CLSTN2: variants seen among roughly 807,000 people sequenced by gnomAD.
The protein encoded by CLSTN2 is calsyntenin-2.
CLSTN2 carries 48 observed loss-of-function variants against 101.2 expected under a neutral mutation model. The observed-to-expected ratio is 0.47, with a 90% CI of 0.38 to 0.60. The LOEUF is 0.60. Among genes scored for constraint, CLSTN2 ranks in the 20% least tolerant of loss-of-function variants. CLSTN2 has a pLI of 0.00. For synonymous variants in CLSTN2, 481 were observed against 463.6 expected (o/e 1.04, Z -0.48); for missense variants, 1,160 against 1,238.2 (o/e 0.94, Z 0.95).
Position 140,136,625 on chromosome 3 carries a change from T to G in CLSTN2, c.110-39326T>G, listed in dbSNP as rs532092734. On this transcript the variant is annotated intron_variant, in intron 1 of 16. Transcript: ENST00000458420. ...TGAGCTGGAATCTTGATGCTGTTTT[T>G]ATTAACCATCCATGTGACTTCAGAA... Among the ~76,000 whole-genome samples the G allele has an allele frequency of 3.9e-5, 6 of 152,324 alleles. No homozygotes were observed. The East Asian group carries it at 5.8e-4, about 15-fold the overall frequency.
At chr3:140,548,260 C>T (rs947011440) in intron 10 of CLSTN2, among the ~76,000 whole-genome samples, 1 of 152,224 alleles carries the variant, frequency 6.6e-6, no homozygotes, top group Non-Finnish European at 1.5e-5. Flanking sequence ...CCCAAGCAGA[C>T]ATTTGTAATC....
intron 1 of CLSTN2, among the ~76,000 whole-genome samples, chr3:140,143,676 C>G (rs2009736330): frequency 6.6e-6 from 1 of 152,172 alleles, no homozygotes; most frequent in African/African-American, 2.4e-5. Flanking sequence ...TGTGCCCAGT[C>G]CCACCTACAT....
At chr3:140,339,572 C>T (rs1576522579) in intron 2 of CLSTN2, among the ~76,000 whole-genome samples, 1 of 152,240 alleles carries the variant, frequency 6.6e-6, no homozygotes, top group African/African-American at 2.4e-5. Context: ...AAATGAGATC[C>T]CTGGGGCTGA....
chr3:140,206,848 C>T (rs951909285), intron 2 of CLSTN2, among the ~76,000 whole-genome samples: 5 of 152,144 alleles, frequency 3.3e-5, no homozygotes, highest in African/African-American at 1.2e-4. Context: ...ACAGAAAATG[C>T]CCAGTAGCCA....
At chr3:140,214,003 T>C (rs2010890175) in intron 2 of CLSTN2, among the ~76,000 whole-genome samples, 1 of 152,134 alleles carries the variant, frequency 6.6e-6, no homozygotes. Flanking sequence ...CAATATTCAG[T>C]GATCAGAAAA....
intron 2 of CLSTN2, among the ~76,000 whole-genome samples, chr3:140,365,185 C>T (rs1170460050): frequency 2.0e-5 from 3 of 152,038 alleles, no homozygotes; most frequent in Non-Finnish European, 4.4e-5. Context: ...AAATTGCTGC[C>T]GGACTAATAT....
In CLSTN2 at chr3:140,403,583, T is replaced by C. The variant is rs753006773; in HGVS notation, c.233-46T>C. On this transcript the variant is annotated intron_variant, in intron 2 of 16. Coordinates refer to ENST00000458420, the MANE Select transcript of CLSTN2 (RefSeq NM_022131.3). The stretch of plus-strand genomic sequence containing the variant: ...TCCAATGGAAGCACTGTCTTCAGTC[T>C]GGCAATTCTCAGGATTCCCACTCAC... The C allele has an allele frequency of 8.1e-6, 12 of 1,489,834 alleles. No individual in the cohort carries two copies. In the South Asian group the frequency reaches 1.5e-4, roughly 19 times the overall value. The allele number at this position is 1,489,834 out of a possible 1,614,324, so 92.3% of individuals were successfully genotyped here. A position where few individuals can be genotyped will look rare whatever the true frequency, so the allele number is the denominator to read the frequency against.
At chr3:140,096,383 T>A (rs1022322123) in intron 1 of CLSTN2, among the ~76,000 whole-genome samples, 1 of 152,352 alleles carries the variant, frequency 6.6e-6, no homozygotes, top group Non-Finnish European at 1.5e-5. Context: ...TATAATATGT[T>A]ACATCTCTCA....
intron 1 of CLSTN2, among the ~76,000 whole-genome samples, chr3:140,157,809 A>G (rs1175089750): frequency 6.6e-6 from 1 of 152,238 alleles, no homozygotes; most frequent in Non-Finnish European, 1.5e-5. Flanking sequence ...AAAAGCTAAT[A>G]CACCATGATC....
At chr3:140,280,116 T>C (rs1014280551) in intron 2 of CLSTN2, among the ~76,000 whole-genome samples, 2 of 152,302 alleles carry the variant, frequency 1.3e-5, no homozygotes, top group Non-Finnish European at 2.9e-5. Context: ...AACTGAAATA[T>C]TCATGCTCCC....
At chr3:140,519,424 C>T (rs576913033) in intron 8 of CLSTN2, among the ~76,000 whole-genome samples, 6 of 152,062 alleles carry the variant, frequency 3.9e-5, no homozygotes, top group East Asian at 3.8e-4. Flanking sequence ...TAAAGTCTCT[C>T]GCTATTATTG....
At chr3:140,530,224 AAATTTTT>A (rs561066229) in intron 8 of CLSTN2, among the ~76,000 whole-genome samples, 118 of 152,352 alleles carry the variant, frequency 7.7e-4, no homozygotes, top group African/African-American at 2.7e-3. Flanking sequence ...ACTTAAAATG[AAATTTTT>A]AAAGGCATTT....
At chr3:140,213,188 CA>C (rs1397589284) in intron 2 of CLSTN2, among the ~76,000 whole-genome samples, 1 of 152,182 alleles carries the variant, frequency 6.6e-6, no homozygotes, top group Non-Finnish European at 1.5e-5. Context: ...CTACCACCTT[CA>C]GTCCCAGGAT....
intron 2 of CLSTN2, among the ~76,000 whole-genome samples, chr3:140,204,865 TC>T (rs2010759934): frequency 6.6e-6 from 1 of 152,094 alleles, no homozygotes; most frequent in South Asian, 2.1e-4. Flanking sequence ...TGTCCCGCTG[TC>T]CCCCATTCTG....
At chr3:140,157,190 T>C (rs76491463) in intron 1 of CLSTN2, among the ~76,000 whole-genome samples, 1,671 of 143,646 alleles carry the variant, frequency 0.012, 33 homozygotes, top group African/African-American at 0.048. Context: ...AGTGGAGATA[T>C]TGGCCTAAAG....
Position 140,023,190 on chromosome 3 carries a change from G to T in CLSTN2, c.109+87707G>T, listed in dbSNP as rs142759696. Among the ~76,000 whole-genome samples the T allele has an allele frequency of 4.3e-4, 65 of 152,244 alleles. No homozygotes were observed. In the East Asian group the frequency reaches 0.012, roughly 29 times the overall value. ...CAGGCCCAGGACAGTGAGAGGAGAG[G>T]TTGTCTTGCAGGTGGAAGTCACCTT... On this transcript the variant is annotated intron_variant, in intron 1 of 16. Transcript: ENST00000458420.
In CLSTN2 at chr3:140,319,286, T is replaced by C. The variant is rs567603432; in HGVS notation, c.233-84343T>C. On this transcript the variant is annotated intron_variant, in intron 2 of 16. Transcript: ENST00000458420. ...ATAGCATCAGGGACCCAAGTCTCCC[T>C]GTCCCTCTGCTCAGGCATCTTAAGC... is the stretch of plus-strand genomic sequence containing the variant. 6.6e-5 allele frequency among the ~76,000 whole-genome samples: 10 copies of C among 152,276 alleles called. No individual in the cohort carries two copies. The East Asian group carries it at 1.9e-3, about 29-fold the overall frequency.
intron 1 of CLSTN2, among the ~76,000 whole-genome samples, chr3:140,016,068 A>ACTGCAC (rs1220730283): frequency 2.6e-5 from 4 of 152,172 alleles, no homozygotes; most frequent in Non-Finnish European, 4.4e-5. Context: ...GAGGACTTAG[A>ACTGCAC]CTGTTACACA....
rs186198098 is a variant in CLSTN2, at chr3:140,514,198, G to T, written c.1345-18126G>T. ...AGGTGGCGTTTGGCTACATGAATAA[G>T]TTCTTTAGTGGTGATTTTTGTGATT... On this transcript the variant is annotated intron_variant, in intron 8 of 16. Coordinates refer to ENST00000458420, the MANE Select transcript of CLSTN2 (RefSeq NM_022131.3). Among the ~76,000 whole-genome samples the T allele has an allele frequency of 1.4e-4, 21 of 152,064 alleles. No individual in the cohort carries two copies. The East Asian group carries it at 4.1e-3, about 29-fold the overall frequency.
Sources: allele counts gnomAD v4.1 joint callset (sites outside exome capture counted in the v4.1 genomes callset), GRCh38; gene constraint gnomAD v4.1.1; transcripts MANE v1.5; gene names NCBI Gene and HGNC (gene_info 2026-07-23, HGNC 2026-07-21).